The following ERBB4 variants were observed in gnomAD, a reference collection of about 807,000 sequenced individuals.
ERBB4 encodes receptor tyrosine-protein kinase erbB-4.
ERBB4 carries 42 observed loss-of-function variants against 158.0 expected under a neutral mutation model. The observed-to-expected ratio is 0.27, with a 90% CI of 0.21 to 0.34. The LOEUF is 0.34. Among genes scored for constraint, ERBB4 ranks in the 10% least tolerant of loss-of-function variants. ERBB4 has a pLI of 1.00. For synonymous variants in ERBB4, 583 were observed against 558.7 expected (o/e 1.04, Z -0.61); for missense variants, 1,333 against 1,624.1 (o/e 0.82, Z 3.08).
intron 1 of ERBB4, among the ~76,000 whole-genome samples, chr2:212,149,596 A>G (rs1427994413): frequency 6.6e-6 from 1 of 152,206 alleles, no homozygotes; most frequent in African/African-American, 2.4e-5. Flanking sequence ...ATATGGTCTT[A>G]TTTTTAATGT....
At position 211,910,369 on chromosome 2, in the gene ERBB4, C is replaced by G. The variant is rs190979689; in HGVS notation, c.421+37061G>C. Among the ~76,000 whole-genome samples, 13 of 147,744 alleles carry G rather than the reference C, an allele frequency of 8.8e-5. No homozygotes were observed. The East Asian group carries it at 2.4e-3, about 27-fold the overall frequency. On this transcript the variant is annotated intron_variant, in intron 3 of 27. Transcript: ENST00000342788. ...TTTCTTGTAGAGGCTGGATATGAGACCTTTCCCAAGATCACGTCCTTTCTC... is the reference window on the plus strand; with the variant it reads ...TTTCTTGTAGAGGCTGGATATGAGAGCTTTCCCAAGATCACGTCCTTTCTC...
At chr2:212,036,468 T>C (rs538919513) in intron 2 of ERBB4, among the ~76,000 whole-genome samples, 123 of 146,840 alleles carry the variant, frequency 8.4e-4, no homozygotes, top group Non-Finnish European at 1.6e-3. Flanking sequence ...ATAAATACAT[T>C]CTTTTTTTTT....
At chr2:212,159,955 T>C (rs931120427) in intron 1 of ERBB4, among the ~76,000 whole-genome samples, 1 of 152,006 alleles carries the variant, frequency 6.6e-6, no homozygotes, top group African/African-American at 2.4e-5. Context: ...ATTTTTAGGG[T>C]TAGTCTAAGT....
At chr2:211,887,649 C>G (rs1270145856) in intron 3 of ERBB4, among the ~76,000 whole-genome samples, 1 of 152,168 alleles carries the variant, frequency 6.6e-6, no homozygotes, top group Non-Finnish European at 1.5e-5. Flanking sequence ...CCAGGTTGTT[C>G]ATATTCAGGA....
In ERBB4 at chr2:211,993,927, T is replaced by A. The variant is rs927540007; in HGVS notation, c.235-46311A>T. On this transcript the variant is annotated intron_variant, in intron 2 of 27. Coordinates refer to ENST00000342788, the MANE Select transcript of ERBB4 (RefSeq NM_005235.3). The stretch of plus-strand genomic sequence containing the variant: ...ACTTACTTTTTTATAATTATATGTT[T>A]AATAATTATAAACATTTTTATATGT... Among the ~76,000 whole-genome samples, 11 of 151,808 alleles carry A rather than the reference T, an allele frequency of 7.2e-5. No individual in the cohort carries two copies. In the East Asian group the frequency reaches 2.1e-3, roughly 29 times the overall value.
chr2:211,465,350 C>A, intron 20 of ERBB4, among the ~76,000 whole-genome samples: 1 of 152,064 alleles, frequency 6.6e-6, no homozygotes, highest in African/African-American at 2.4e-5. Context: ...AGAATCAAGA[C>A]AAATAATAAA....
chr2:212,003,183 A>AAG (rs756922761), intron 2 of ERBB4, among the ~76,000 whole-genome samples: 8 of 66,210 alleles, frequency 1.2e-4, no homozygotes, highest in South Asian at 5.9e-4. Flanking sequence ...GAAAGAAAGA[A>AAG]AGAAAGAAAG....
intron 1 of ERBB4, among the ~76,000 whole-genome samples, chr2:212,345,926 AAGAT>A (rs926319237): frequency 6.6e-6 from 1 of 152,316 alleles, no homozygotes; most frequent in East Asian, 1.9e-4. Context: ...TTCTCCGAAA[AAGAT>A]AGAGAGATAA....
rs1035038128 is a variant in ERBB4 at position 211,832,795 on chromosome 2, C to T, written c.422-44636G>A. 3.3e-4 allele frequency among the ~76,000 whole-genome samples: 49 copies of T among 150,136 alleles called. 1 individual carries two copies. In the South Asian group the frequency reaches 5.2e-3, roughly 16 times the overall value. On this transcript the variant is annotated intron_variant, in intron 3 of 27. Coordinates refer to ENST00000342788, the MANE Select transcript of ERBB4 (RefSeq NM_005235.3). The stretch of plus-strand genomic sequence containing the variant: ...CTGAAGAACACATTCCCTGTCTATA[C>T]GCATTGATATTAAAATAGTTTGATG...
In ERBB4 at chr2:211,432,060, G is replaced by A. The variant is rs997985520; in HGVS notation, c.2488-960C>T. Among the ~76,000 whole-genome samples, 12 of 152,240 alleles carry A rather than the reference G, an allele frequency of 7.9e-5. No individual in the cohort carries two copies. The South Asian group carries it at 2.5e-3, about 32-fold the overall frequency. On this transcript the variant is annotated intron_variant, in intron 20 of 27. Coordinates refer to ENST00000342788, the MANE Select transcript of ERBB4 (RefSeq NM_005235.3). ...AAATAAACCTGAGGCCGAGATTAGA[G>A]TGAATATATTTTTGTTGAAGTGTTA...
chr2:211,814,736 T>G (rs919789424), intron 3 of ERBB4, among the ~76,000 whole-genome samples: 2 of 152,160 alleles, frequency 1.3e-5, no homozygotes, highest in Non-Finnish European at 2.9e-5. Context: ...ATCATAGGCT[T>G]TGAGTCAGAA....
chr2:211,716,663 G>C (rs999956516), intron 7 of ERBB4, among the ~76,000 whole-genome samples: 1 of 151,426 alleles, frequency 6.6e-6, no homozygotes, highest in Admixed American at 6.6e-5. Context: ...GCGACAGAGC[G>C]AGACTCCGTC....
intron 2 of ERBB4, among the ~76,000 whole-genome samples, chr2:211,966,804 A>G (rs2081322584): frequency 6.6e-6 from 1 of 152,118 alleles, no homozygotes; most frequent in African/African-American, 2.4e-5. Flanking sequence ...ACTTTATTAC[A>G]TTATTATAGA....
chr2:211,968,314 T>G (rs2125193883), intron 2 of ERBB4, among the ~76,000 whole-genome samples: 1 of 152,170 alleles, frequency 6.6e-6, no homozygotes, highest in East Asian at 1.9e-4. Flanking sequence ...TTTTTCTTGT[T>G]CTGGATAGTG....
chr2:211,408,145 T>C (rs1463720778), intron 25 of ERBB4, among the ~76,000 whole-genome samples: 2 of 152,182 alleles, frequency 1.3e-5, no homozygotes, highest in Non-Finnish European at 2.9e-5. Context: ...AAAATTTGAA[T>C]AGAAAGTTGA....
chr2:212,096,010 A>G (rs2078922746), intron 2 of ERBB4, among the ~76,000 whole-genome samples: 1 of 151,888 alleles, frequency 6.6e-6, no homozygotes, highest in Non-Finnish European at 1.5e-5. Context: ...TCCCAACGAG[A>G]ACCCAGAGCT....
In ERBB4 at chr2:212,295,151, A is replaced by G. The variant is rs138791048; in HGVS notation, c.83-170248T>C. Among the ~76,000 whole-genome samples the G allele has an allele frequency of 3.6e-3, 545 of 152,226 alleles. 6 individuals carry two copies. Among genetic ancestry groups the G allele is most frequent in the Non-Finnish European group, 4.2e-3 (285 of 68,002 alleles). On this transcript the variant is annotated intron_variant, in intron 1 of 27. Coordinates refer to ENST00000342788, the MANE Select transcript of ERBB4 (RefSeq NM_005235.3). ...AGCAGGTCTTGCAAGTTGTCAATTAAAAGTCTGATATATTGATGTCCTCAA... is the reference window on the plus strand; with the variant it reads ...AGCAGGTCTTGCAAGTTGTCAATTAGAAGTCTGATATATTGATGTCCTCAA...
intron 19 of ERBB4, among the ~76,000 whole-genome samples, chr2:211,563,843 C>T: frequency 6.6e-6 from 1 of 152,050 alleles, no homozygotes; most frequent in East Asian, 1.9e-4. Context: ...CACACAAATG[C>T]ACATACACAT....
chr2:211,531,616 C>G (rs375582835), intron 20 of ERBB4, among the ~76,000 whole-genome samples: 1 of 152,082 alleles, frequency 6.6e-6, no homozygotes, highest in South Asian at 2.1e-4. Context: ...GAGATATCAT[C>G]TCACCCCAGT....
Sources: gnomAD v4.1 joint callset for allele counts (sites outside exome capture counted in the v4.1 genomes callset) on GRCh38, gnomAD v4.1.1 for gene constraint, MANE v1.5 for transcripts, NCBI Gene and HGNC (gene_info 2026-07-23, HGNC 2026-07-21) for gene names.